The following RPIA variants were observed in gnomAD, a reference collection of about 807,000 sequenced individuals.
RPIA encodes ribose-5-phosphate isomerase.
A neutral mutation model predicts 37.8 loss-of-function variants in RPIA; 29 were observed. The observed-to-expected ratio is 0.77, with a 90% CI of 0.57 to 1.05. The LOEUF (loss-of-function observed/expected upper bound fraction) is 1.05. RPIA is among the 50% of genes least tolerant of loss of function. RPIA has a pLI of 0.00. For synonymous variants in RPIA, 167 were observed against 157.0 expected, an observed-to-expected ratio of 1.06 and a Z score of -0.48; for missense variants, 385 against 413.6, an observed-to-expected ratio of 0.93 and a Z score of 0.60.
At chr2:88,708,096 A>G (rs946703564) in intron 3 of RPIA, among the ~76,000 whole-genome samples, 2 of 152,252 alleles carry the variant, frequency 1.3e-5, no homozygotes, top group African/African-American at 4.8e-5. Flanking sequence ...AAATTCAGTC[A>G]TCATGCAGGA....
At chr2:88,706,939 G>A (rs997355197) in intron 3 of RPIA, among the ~76,000 whole-genome samples, 5 of 152,206 alleles carry the variant, frequency 3.3e-5, no homozygotes, top group African/African-American at 1.2e-4. Flanking sequence ...GGGTGCTAAT[G>A]CTGTAAGAGT....
chr2:88,737,776 CT>C (rs1673332716), intron 7 of RPIA, among the ~76,000 whole-genome samples, 200 bp from the exon 8 acceptor site: 3 of 148,214 alleles, frequency 2.0e-5, no homozygotes, highest in South Asian at 2.1e-4. Context: ...CTCTCTCTCT[CT>C]CAAAAAAAAA....
intron 7 of RPIA, among the ~76,000 whole-genome samples, chr2:88,736,893 C>G (rs993557662): frequency 6.6e-6 from 1 of 152,176 alleles, no homozygotes; most frequent in Non-Finnish European, 1.5e-5. Context: ...AGTGCATCTC[C>G]TTTGTACAGA....
At position 88,750,179 on chromosome 2, in the gene RPIA, C is replaced by T. The variant is rs1316553915; in HGVS notation, c.*101C>T. ...TTGCCTTAATGTATCTCTGCCTGGACAACTTGTGGTGGGGGGTGGGGGGAA... is the reference window on the plus strand; with the variant it reads ...TTGCCTTAATGTATCTCTGCCTGGATAACTTGTGGTGGGGGGTGGGGGGAA... On this transcript the variant is annotated 3_prime_UTR_variant, in exon 9 of 9. Coordinates refer to ENST00000283646, the MANE Select transcript of RPIA (RefSeq NM_144563.3). 3 of 698,498 alleles carry T rather than the reference C, an allele frequency of 4.3e-6. No homozygotes were observed. The African/African-American group carries it at 5.3e-5, about 12-fold the overall frequency. 43.3% of individuals were successfully genotyped at this position (698,498 alleles called of 1,614,324 possible).
At chr2:88,699,243 T>C (rs1672800019) in intron 2 of RPIA, among the ~76,000 whole-genome samples, 1 of 152,194 alleles carries the variant, frequency 6.6e-6, no homozygotes, top group African/African-American at 2.4e-5. Flanking sequence ...ATAGGAGCTT[T>C]TGTGTTATAT....
chr2:88,728,642 A>G (rs1208665702), intron 3 of RPIA, among the ~76,000 whole-genome samples: 1 of 152,178 alleles, frequency 6.6e-6, no homozygotes, highest in Non-Finnish European at 1.5e-5. Flanking sequence ...GATGGCTGTA[A>G]CCACTGTTCT....
intron 3 of RPIA, among the ~76,000 whole-genome samples, chr2:88,700,879 G>A (rs35122784): frequency 5.3e-5 from 8 of 152,094 alleles, no homozygotes; most frequent in African/African-American, 1.4e-4. Flanking sequence ...ATAATCTCTC[G>A]CTGGATTAGT....
At chr2:88,699,872 AG>A in intron 2 of RPIA, 136 bp from the exon 3 acceptor site, 2 of 848,424 alleles carry the variant, frequency 2.4e-6, no homozygotes, top group Non-Finnish European at 2.0e-6. Flanking sequence ...CCCACCAAGG[AG>A]GGGGACACAG....
intron 1 of RPIA, 146 bp downstream of exon 1, chr2:88,692,129 GT>G: frequency 2.0e-6 from 2 of 990,846 alleles, no homozygotes; most frequent in Non-Finnish European, 2.9e-6. Context: ...CTTTACCCGA[GT>G]TTAGACCCCT....
intron 3 of RPIA, among the ~76,000 whole-genome samples, chr2:88,700,628 T>A (rs902541414): frequency 1.3e-5 from 2 of 152,030 alleles, no homozygotes; most frequent in African/African-American, 4.8e-5. Context: ...CACTCCAGCC[T>A]GGGCAACAGA....
intron 4 of RPIA, 90 bp from the exon 5 acceptor site, chr2:88,734,462 C>G (rs1673290922): frequency 8.2e-7 from 1 of 1,226,678 alleles, no homozygotes; most frequent in African/African-American, 1.5e-5. Context: ...AACAGGGCTG[C>G]TGAGTATCTG....
intron 8 of RPIA, among the ~76,000 whole-genome samples, chr2:88,743,004 A>G (rs1673401480): frequency 6.6e-6 from 1 of 151,958 alleles, no homozygotes; most frequent in Non-Finnish European, 1.5e-5. Context: ...CAACCGTTTG[A>G]CTTCCTCTTT....
At position 88,738,018 on chromosome 2, in the gene RPIA, G is replaced by A. The variant is rs1441092586; in HGVS notation, c.780G>A (p.Trp260Ter). Residue 260 changes from tryptophan to a stop codon, truncating the protein, a stop_gained, in exon 8 of 9, where the codon TGG becomes TGA. Transcript: ENST00000283646. LOFTEE classifies it high-confidence loss of function. Reference sequence around the variant, plus strand: ...ATAATGGGAATTTTATCTTGGACTGGAAGTTTGACCGGGTACACAAATGGA... The same window carrying A: ...ATAATGGGAATTTTATCTTGGACTGAAAGTTTGACCGGGTACACAAATGGA... Reference protein sequence around the residue: ...VTDNGNFILDWKFDRVHKWSE... With the variant: ...VTDNGNFILD 6.2e-7 allele frequency: 1 copy of A among 1,614,078 alleles called. No homozygotes were observed. The highest frequency in any genetic ancestry group is 8.5e-7 in the Non-Finnish European group (1 of 1,179,958).
chr2:88,691,785 A>G lies in RPIA; in HGVS notation c.87A>G (p.Gly29=). The G allele has an allele frequency of 6.3e-7, 1 of 1,592,652 alleles. No individual in the cohort carries two copies. ...PGRAGGAASG[G]GGNSWDLPGS... is the part of the protein sequence containing the mutation. ...GGGCCGGGGGCGCGGCCTCCGGCGG[A>G]GGAGGGAACAGCTGGGACCTCCCGG... Residue 29 remains glycine (G), a synonymous_variant, in exon 1 of 9, where the codon GGA becomes GGG. Transcript: ENST00000283646.
At chr2:88,703,289 T>A (rs1448772274) in intron 3 of RPIA, among the ~76,000 whole-genome samples, 1 of 152,344 alleles carries the variant, frequency 6.6e-6, no homozygotes, top group East Asian at 1.9e-4. Context: ...CAGTAGAGAC[T>A]CTGTGCAGGG....
At chr2:88,739,301 C>A (rs1047255719) in intron 8 of RPIA, among the ~76,000 whole-genome samples, 1 of 152,168 alleles carries the variant, frequency 6.6e-6, no homozygotes, top group Non-Finnish European at 1.5e-5. Context: ...GGATAAGGAT[C>A]CTAACCCAGC....
chr2:88,736,670 C>G lies in RPIA; in HGVS notation c.732C>G (p.Asn244Lys), dbSNP rs1673319727. 6.2e-7 allele frequency: 1 copy of G among 1,612,346 alleles called. No homozygotes were observed. The highest frequency in any genetic ancestry group is 1.7e-5 in the Admixed American group (1 of 59,978). The change falls in exon 7 of 9, where the codon AAC (asparagine) becomes AAG (lysine). Residue 244 changes from asparagine (N) to lysine (K), a missense_variant. By Grantham distance (94) the Asn-to-Lys change is moderately conservative. Transcript: ENST00000283646. ...GGVVELRMAVNKAGPVVTDNG... is the reference protein window; with the variant it reads ...GGVVELRMAVKKAGPVVTDNG... ...TGGTTGAACTTCGAATGGCTGTCAA[C>G]AAGGCTGTGAGTGGCCTGGTTGGGC...
At chr2:88,712,987 G>A (rs951318741) in intron 3 of RPIA, among the ~76,000 whole-genome samples, 4 of 151,210 alleles carry the variant, frequency 2.6e-5, no homozygotes, top group African/African-American at 9.7e-5. Flanking sequence ...TCCTGCCTCA[G>A]CCTCCCAAGT....
chr2:88,727,457 A>G (rs1673213090), intron 3 of RPIA, among the ~76,000 whole-genome samples: 1 of 151,252 alleles, frequency 6.6e-6, no homozygotes, highest in Non-Finnish European at 1.5e-5. Context: ...GTAGGTAAAC[A>G]TGTCATGGGG....
Sources: allele counts gnomAD v4.1 joint callset (sites outside exome capture counted in the v4.1 genomes callset), GRCh38; gene constraint gnomAD v4.1.1; transcripts MANE v1.5; gene names NCBI Gene and HGNC (gene_info 2026-07-23, HGNC 2026-07-21).